Variants in SRP19 observed in about 807,000 individuals in gnomAD.
SRP19 encodes signal recognition particle 19 kDa protein.
In SRP19, 11 loss-of-function variants were observed where a neutral mutation model predicts 22.4. That is an observed-to-expected ratio of 0.49 (90% CI 0.31 to 0.81). The LOEUF is 0.81. Ranked by LOEUF, SRP19 falls within the 40% of genes least tolerant of loss-of-function variation. The probability of loss-of-function intolerance (pLI) is 0.05; values close to 1 mark genes in which losing one functional copy is unlikely to be tolerated. For missense variants in SRP19, 168 were observed against 175.9 expected, an observed-to-expected ratio of 0.96 and a Z score of 0.25; for synonymous variants, 61 against 57.6, an observed-to-expected ratio of 1.06 and a Z score of -0.27.
At position 112,867,682 on chromosome 5, in the gene SRP19, G is replaced by A. The variant is rs747407457; in HGVS notation, c.*145G>A. On this transcript the variant is annotated 3_prime_UTR_variant, in exon 5 of 5. Transcript: ENST00000505459. ...TGTGCCTCTCATCTTTATCATCGGA[G>A]TTGACAGTGAAACAAATTTACATCA... 8 of 1,357,238 alleles carry A rather than the reference G, an allele frequency of 5.9e-6. No homozygotes were observed. Among genetic ancestry groups the A allele is most frequent in the African/African-American group, 1.5e-5 (1 of 68,718 alleles). The allele number at this position is 1,357,238 out of a possible 1,614,324, so 84.1% of individuals were successfully genotyped here.
chr5:112,877,400 A>G (rs756214027), intron 4 of SRP19: 27 of 152,210 alleles, frequency 1.8e-4, no homozygotes, highest in Admixed American at 1.2e-3. Flanking sequence ...GACTCTTAAC[A>G]GTATGGTGTA....
chr5:112,881,599 T>A (rs1222481894), intron 4 of SRP19, among the ~76,000 whole-genome samples: 1 of 152,150 alleles, frequency 6.6e-6, no homozygotes, highest in Non-Finnish European at 1.5e-5. Flanking sequence ...CAAATGGATC[T>A]GGTAGGTGTT....
intron 4 of SRP19, chr5:112,885,320 T>G: frequency 5.7e-6 from 1 of 174,400 alleles, no homozygotes. Context: ...CAGCAAGTGG[T>G]AGATTTAGAA....
chr5:112,891,580 A>G (rs779476478), intron 4 of SRP19: 5 of 1,553,382 alleles, frequency 3.2e-6, no homozygotes, highest in Admixed American at 2.0e-5. Flanking sequence ...GCTATGAACA[A>G]AATCTTCCAT....
intron 4 of SRP19, among the ~76,000 whole-genome samples, chr5:112,866,710 T>A (rs540499623): frequency 6.6e-6 from 1 of 152,248 alleles, no homozygotes; most frequent in Non-Finnish European, 1.5e-5. Flanking sequence ...GACTAAGGAG[T>A]GACATCATAT....
At chr5:112,861,491 T>A in intron 1 of SRP19, 74 bp downstream of exon 1, 1 of 1,523,006 alleles carries the variant, frequency 6.6e-7, no homozygotes, top group Non-Finnish European at 8.9e-7. Flanking sequence ...ACCGCGCTTC[T>A]CCGCTCCGCG....
intron 4 of SRP19, 81 bp downstream of exon 4, chr5:112,864,813 G>T (rs1276020174): frequency 2.8e-6 from 3 of 1,071,828 alleles, no homozygotes; most frequent in South Asian, 1.6e-5. Flanking sequence ...AAACTGAAAG[G>T]TAAAAGTCAG....
downstream of SRP19, among the ~76,000 whole-genome samples, chr5:112,874,776 ATTT>A (rs34164046): frequency 5.2e-5 from 7 of 134,710 alleles, no homozygotes; most frequent in Non-Finnish European, 6.5e-5. Flanking sequence ...ATGTGCGCCA[ATTT>A]TTTTTTTTTT....
downstream of SRP19, among the ~76,000 whole-genome samples, chr5:112,873,410 G>A (rs568086608): frequency 5.1e-5 from 7 of 137,496 alleles, 1 homozygote; most frequent in Non-Finnish European, 1.1e-4. Context: ...GCAGTGGCCC[G>A]ATCTCGGCTC....
At chr5:112,864,553 T>C (rs1348858937) in intron 3 of SRP19, 25 bp downstream of exon 3, 4 of 1,612,500 alleles carry the variant, frequency 2.5e-6, no homozygotes, top group Non-Finnish European at 2.5e-6. Context: ...TTCACTATTT[T>C]CCATACTCAT....
intron 4 of SRP19, among the ~76,000 whole-genome samples, chr5:112,879,508 C>T (rs981634745): frequency 6.6e-6 from 1 of 152,198 alleles, no homozygotes; most frequent in African/African-American, 2.4e-5. Context: ...GAGTCTCGCT[C>T]TGTCACCCAG....
intron 4 of SRP19, among the ~76,000 whole-genome samples, chr5:112,875,902 C>T (rs1767882783): frequency 6.6e-6 from 1 of 151,914 alleles, no homozygotes; most frequent in Non-Finnish European, 1.5e-5. Flanking sequence ...AAAACAGTAG[C>T]CAGGCGTGGC....
At chr5:112,893,729 A>G (rs1196058230), downstream of SRP19, 1 of 152,276 alleles carries the variant, frequency 6.6e-6, no homozygotes, top group Admixed American at 6.5e-5. Context: ...AACTCAAATC[A>G]GCCTTCTGCA....
intron 4 of SRP19, chr5:112,886,892 A>G: frequency 1.5e-6 from 1 of 653,014 alleles, no homozygotes; most frequent in Non-Finnish European, 2.6e-6. Context: ...AAGAAATCCC[A>G]GAGTAATGTT....
downstream of SRP19, among the ~76,000 whole-genome samples, chr5:112,872,646 T>G (rs1159027411): frequency 6.6e-6 from 1 of 152,122 alleles, no homozygotes; most frequent in Non-Finnish European, 1.5e-5. Context: ...TAAAATCTTT[T>G]CTGTAGTCCT....
intron 4 of SRP19, among the ~76,000 whole-genome samples, chr5:112,886,407 A>G (rs1414404778): frequency 2.0e-5 from 3 of 152,226 alleles, no homozygotes; most frequent in Non-Finnish European, 4.4e-5. Context: ...TAGAGTAGAC[A>G]TGGAATTCAT....
At chr5:112,877,193 A>ATATT (rs1767923467) in intron 4 of SRP19, 1 of 152,200 alleles carries the variant, frequency 6.6e-6, no homozygotes, top group African/African-American at 2.4e-5. Context: ...GATCCATATT[A>ATATT]TATTAGAGTG....
At chr5:112,896,216 C>T (rs894008963), downstream of SRP19, 4 of 152,626 alleles carry the variant, frequency 2.6e-5, no homozygotes, top group African/African-American at 9.6e-5. Flanking sequence ...TAGCCTCCTA[C>T]GAACATTAAG....
rs1767521784 is a variant in SRP19 at position 112,864,487 on chromosome 5, C to G, written c.148C>G (p.Gln50Glu). 6.2e-7 allele frequency: 1 copy of G among 1,613,814 alleles called. No homozygotes were observed. Reference protein sequence around the residue: ...AVENPTATEIQDVCSAVGLNV... With the variant: ...AVENPTATEIEDVCSAVGLNV... ...TGAAAATCCTACAGCTACAGAGATT[C>G]AAGATGTATGTTCAGCAGTTGGACT... Residue 50 changes from glutamine (Q) to glutamate (E), a missense_variant, in exon 3 of 5, where the codon CAA becomes GAA. Coordinates refer to ENST00000505459, the MANE Select transcript of SRP19 (RefSeq NM_003135.3).
Sources: gnomAD v4.1 joint callset for allele counts (sites outside exome capture counted in the v4.1 genomes callset) on GRCh38, gnomAD v4.1.1 for gene constraint, MANE v1.5 for transcripts, NCBI Gene and HGNC (gene_info 2026-07-23, HGNC 2026-07-21) for gene names.